Variants in SLC5A4 observed in about 807,000 individuals in gnomAD.
SLC5A4 encodes solute carrier family 5 member 4, also known as probable glucose sensor protein SLC5A4.
In SLC5A4, 55 loss-of-function variants were observed where a neutral mutation model predicts 70.3. That is an observed-to-expected ratio of 0.78 (90% CI 0.63 to 0.98). The LOEUF is 0.98. Among genes scored for constraint, SLC5A4 ranks in the 50% least tolerant of loss-of-function variants. SLC5A4 has a pLI of 0.00. For missense variants in SLC5A4, 735 were observed against 839.2 expected (o/e 0.88, Z 1.53); for synonymous variants, 268 against 305.7 (o/e 0.88, Z 1.29).
the SLC5A4 span, among the ~76,000 whole-genome samples, chr22:32,335,032 T>G: frequency 6.6e-6 from 1 of 152,134 alleles, no homozygotes. Context: ...CCAGCTCGCA[T>G]GGAGGCTGAA....
At chr22:32,346,982 T>C in the SLC5A4 span, among the ~76,000 whole-genome samples, 1 of 152,076 alleles carries the variant, frequency 6.6e-6, no homozygotes, top group Non-Finnish European at 1.5e-5. Flanking sequence ...ATCCAGAATC[T>C]ATAATGAACT....
At chr22:32,270,307 G>A in the SLC5A4 span, 5 of 874,108 alleles carry the variant, frequency 5.7e-6, no homozygotes, top group Admixed American at 1.7e-5. Flanking sequence ...CCTGGAGATT[G>A]TGGTTTGCTC....
At chr22:32,321,966 T>C in the SLC5A4 span, among the ~76,000 whole-genome samples, 1 of 152,210 alleles carries the variant, frequency 6.6e-6, no homozygotes, top group Middle Eastern at 3.2e-3. Context: ...AACACTTCCA[T>C]GTTCCCAGCA....
the SLC5A4 span, among the ~76,000 whole-genome samples, chr22:32,263,485 A>G: frequency 1.3e-5 from 2 of 152,220 alleles, no homozygotes; most frequent in Non-Finnish European, 2.9e-5. Flanking sequence ...AATGCAAACC[A>G]AAACCACAAT....
chr22:32,300,401 G>A, the SLC5A4 span, among the ~76,000 whole-genome samples: 9 of 152,190 alleles, frequency 5.9e-5, no homozygotes, highest in South Asian at 1.9e-3. Flanking sequence ...CGCAGTATTC[G>A]GGTGGGAGTG....
chr22:32,351,729 G>GGGGGGGGGGGGGGGAGGGT, the SLC5A4 span, among the ~76,000 whole-genome samples: 1 of 50,120 alleles, frequency 2.0e-5, no homozygotes, highest in African/African-American at 1.5e-4. Context: ...GGGGGAGGGT[G>GGGGGGGGGGGGGGGAGGGT]GGGGCGGTGG....
upstream of SLC5A4, among the ~76,000 whole-genome samples, chr22:32,257,420 GCATGGCT>G (rs1927542324): frequency 1.3e-5 from 2 of 150,888 alleles, no homozygotes; most frequent in African/African-American, 4.9e-5. Flanking sequence ...AGTGAGGTAA[GCATGGCT>G]CAGTGCAGCC....
the SLC5A4 span, among the ~76,000 whole-genome samples, chr22:32,303,785 C>A: frequency 0.48 from 72,832 of 151,952 alleles, 17,613 homozygotes; most frequent in Admixed American, 0.51. Flanking sequence ...TTTTGTGTGG[C>A]CATAAGTTGT....
the SLC5A4 span, among the ~76,000 whole-genome samples, chr22:32,294,553 T>C: frequency 5.6e-4 from 84 of 151,210 alleles, 1 homozygote; most frequent in Non-Finnish European, 1.1e-3. Context: ...CACACCCACT[T>C]TCCTCCTGCC....
chr22:32,348,166 G>A, the SLC5A4 span, among the ~76,000 whole-genome samples: 16 of 152,120 alleles, frequency 1.1e-4, no homozygotes, highest in East Asian at 2.3e-3. Context: ...GAGGTGTCCC[G>A]TTTTTTCCAG....
the SLC5A4 span, among the ~76,000 whole-genome samples, chr22:32,269,106 C>T: frequency 1.0e-3 from 158 of 152,228 alleles, 1 homozygote; most frequent in Middle Eastern, 3.4e-3. This position sits in a 1 kb window ranked among gnomAD's most constrained non-coding sequence, Gnocchi z 4.1. Flanking sequence ...TTGGCCATGG[C>T]GGTCTCGAAC....
At chr22:32,305,565 G>C in the SLC5A4 span, among the ~76,000 whole-genome samples, 1 of 148,506 alleles carries the variant, frequency 6.7e-6, no homozygotes, top group African/African-American at 2.5e-5. Context: ...TGGGCCCCAG[G>C]TGAGGTGGGA....
chr22:32,259,001 T>C (rs1403764078), upstream of SLC5A4, among the ~76,000 whole-genome samples: 1 of 152,224 alleles, frequency 6.6e-6, no homozygotes, highest in African/African-American at 2.4e-5. Flanking sequence ...ATTCCACTTA[T>C]ATGAGGTACC....
the SLC5A4 span, among the ~76,000 whole-genome samples, chr22:32,282,205 G>A: frequency 1.3e-5 from 2 of 152,030 alleles, no homozygotes; most frequent in African/African-American, 2.4e-5. Flanking sequence ...ACTCCTCTCC[G>A]TCTTTCTTGA....
the SLC5A4 span, among the ~76,000 whole-genome samples, chr22:32,281,665 T>C: frequency 3.9e-5 from 6 of 152,034 alleles, no homozygotes; most frequent in Non-Finnish European, 7.3e-5. Flanking sequence ...ATTTTTACAA[T>C]TTTTGTAGAA....
At chr22:32,265,125 C>A in the SLC5A4 span, among the ~76,000 whole-genome samples, 1 of 152,196 alleles carries the variant, frequency 6.6e-6, no homozygotes, top group East Asian at 1.9e-4. Flanking sequence ...CCTTGCCAGG[C>A]ATGGTGGCTC....
chr22:32,290,979 T>C, the SLC5A4 span, among the ~76,000 whole-genome samples: 1 of 152,192 alleles, frequency 6.6e-6, no homozygotes, highest in African/African-American at 2.4e-5. Flanking sequence ...GCCTCTTTTT[T>C]ATGCTTGCTG....
chr22:32,306,001 C>G, the SLC5A4 span, among the ~76,000 whole-genome samples: 2 of 152,114 alleles, frequency 1.3e-5, no homozygotes, highest in Non-Finnish European at 2.9e-5. Flanking sequence ...CCCCCTAACA[C>G]CACCTTGGCT....
chr22:32,326,551 G>A, the SLC5A4 span, among the ~76,000 whole-genome samples: 3 of 152,010 alleles, frequency 2.0e-5, no homozygotes, highest in African/African-American at 7.3e-5. Flanking sequence ...CACTGTGCCC[G>A]GCCACCTTCA....
Sources: allele counts gnomAD v4.1 joint callset (sites outside exome capture counted in the v4.1 genomes callset), GRCh38; gene constraint gnomAD v4.1.1; non-coding constraint Gnocchi (gnomAD v3.1); transcripts MANE v1.5; gene names NCBI Gene and HGNC (gene_info 2026-07-23, HGNC 2026-07-21).